The following SUPT3H variants were observed in gnomAD, a reference collection of about 807,000 sequenced individuals.
The protein encoded by SUPT3H is SPT3 homolog, SAGA and STAGA complex component, also known as transcription initiation protein SPT3 homolog.
SUPT3H carries 44 observed loss-of-function variants against 44.3 expected under a neutral mutation model. The ratio of observed to expected loss-of-function variants is 0.99; its 90% CI spans 0.78 to 1.28. The LOEUF (loss-of-function observed/expected upper bound fraction) is 1.28, where lower values mean the gene tolerates loss of function less well. SUPT3H is among the 50% of genes most tolerant of loss of function. SUPT3H has a pLI of 0.00. For missense variants in SUPT3H, 380 were observed against 387.1 expected, an observed-to-expected ratio of 0.98 and a Z score of 0.15; for synonymous variants, 124 against 125.6, an observed-to-expected ratio of 0.99 and a Z score of 0.09.
chr6:45,222,693 G>A (rs112003112), intron 2 of SUPT3H, among the ~76,000 whole-genome samples: 3,088 of 152,130 alleles, frequency 0.02, 42 homozygotes, highest in Non-Finnish European at 0.032. Flanking sequence ...ATGCTCTTGG[G>A]CATTTATTCC....
intron 2 of SUPT3H, among the ~76,000 whole-genome samples, chr6:45,267,766 C>T (rs530442882): frequency 6.6e-6 from 1 of 152,204 alleles, no homozygotes; most frequent in South Asian, 2.1e-4. Flanking sequence ...CTTACAAGGA[C>T]TTAAGAGGCC....
intron 3 of SUPT3H, among the ~76,000 whole-genome samples, chr6:45,047,683 T>C (rs998690216): frequency 2.0e-5 from 3 of 152,182 alleles, no homozygotes; most frequent in Admixed American, 6.5e-5. Context: ...ATTTTCCATA[T>C]GGCTGTACTA....
intron 2 of SUPT3H, among the ~76,000 whole-genome samples, chr6:45,327,556 G>A (rs573949478): frequency 4.6e-5 from 7 of 151,732 alleles, no homozygotes; most frequent in Non-Finnish European, 8.8e-5. Flanking sequence ...ATGAGATAAT[G>A]GTATACATGA....
Position 44,828,318 on chromosome 6 carries a change from T to C in SUPT3H, c.*1498A>G, listed in dbSNP as rs1768005138. ...AAGCATAGATGGAACATCAAAATCC[T>C]TTGGGAATATTTTGATATTATATAT... is the stretch of plus-strand genomic sequence containing the variant. On this transcript the variant is annotated 3_prime_UTR_variant, in exon 11 of 11. Coordinates refer to ENST00000371459, the MANE Select transcript of SUPT3H (RefSeq NM_003599.4). Among the ~76,000 whole-genome samples the C allele has an allele frequency of 6.6e-6, 1 of 152,168 alleles. No homozygotes were observed. The highest frequency in any genetic ancestry group is 1.5e-5 in the Non-Finnish European group (1 of 68,016).
chr6:45,130,800 C>G (rs1313841848), intron 2 of SUPT3H, among the ~76,000 whole-genome samples: 1 of 149,672 alleles, frequency 6.7e-6, no homozygotes, highest in East Asian at 2.0e-4. Flanking sequence ...TCACCGCAAC[C>G]TCCGCCTTCC....
At chr6:45,114,805 T>C (rs1800602520) in intron 2 of SUPT3H, among the ~76,000 whole-genome samples, 1 of 152,172 alleles carries the variant, frequency 6.6e-6, no homozygotes, top group East Asian at 1.9e-4. Context: ...CATTGAATGT[T>C]AGGTCAAAAA....
At chr6:44,882,490 A>C (rs1033252907) in intron 10 of SUPT3H, among the ~76,000 whole-genome samples, 2 of 152,226 alleles carry the variant, frequency 1.3e-5, no homozygotes, top group African/African-American at 4.8e-5. Flanking sequence ...TTCTGAAACT[A>C]TTCCAAACAA....
chr6:45,156,981 T>C (rs73738621), intron 2 of SUPT3H, among the ~76,000 whole-genome samples: 3,189 of 152,200 alleles, frequency 0.021, 117 homozygotes, highest in African/African-American at 0.072. Flanking sequence ...CTACCACCTA[T>C]ACTTGATCTG....
intron 10 of SUPT3H, among the ~76,000 whole-genome samples, chr6:44,918,543 A>C (rs1181020681): frequency 2.0e-5 from 3 of 152,210 alleles, no homozygotes; most frequent in Non-Finnish European, 4.4e-5. Flanking sequence ...TAAAAATATA[A>C]ATTCATCTGA....
At chr6:45,320,549 G>T (rs1186504325) in intron 2 of SUPT3H, among the ~76,000 whole-genome samples, 2 of 151,958 alleles carry the variant, frequency 1.3e-5, no homozygotes, top group Non-Finnish European at 2.9e-5. Context: ...AAAATGCTGG[G>T]ATTATAGGTG....
chr6:45,283,164 A>G (rs1055782673), intron 2 of SUPT3H, among the ~76,000 whole-genome samples: 11 of 152,156 alleles, frequency 7.2e-5, no homozygotes, highest in Non-Finnish European at 1.3e-4. Flanking sequence ...AGGCTAGGAA[A>G]AAACTGCATC....
chr6:45,298,409 T>A (rs550026396), intron 2 of SUPT3H, among the ~76,000 whole-genome samples: 5 of 152,162 alleles, frequency 3.3e-5, no homozygotes, highest in African/African-American at 1.2e-4. Context: ...TTCCTAGATA[T>A]CTGTTCTTTG....
intron 2 of SUPT3H, among the ~76,000 whole-genome samples, chr6:45,355,524 C>G (rs1162394334): frequency 6.6e-6 from 1 of 152,080 alleles, no homozygotes; most frequent in East Asian, 1.9e-4. Context: ...GAACCAAGAT[C>G]TTGCAGCTCC....
At chr6:44,855,482 C>T (rs1773575949) in intron 10 of SUPT3H, among the ~76,000 whole-genome samples, 2 of 152,108 alleles carry the variant, frequency 1.3e-5, no homozygotes, top group African/African-American at 2.4e-5. Context: ...AGAATGGTTT[C>T]TTCATATCTT....
At chr6:45,325,500 G>T (rs1786206676) in intron 2 of SUPT3H, among the ~76,000 whole-genome samples, 1 of 151,754 alleles carries the variant, frequency 6.6e-6, no homozygotes, top group African/African-American at 2.4e-5. Context: ...CTTTGAAATT[G>T]ATTTCAAGAT....
intron 10 of SUPT3H, among the ~76,000 whole-genome samples, chr6:44,849,220 C>CTTTTT (rs143665414): frequency 8.3e-5 from 8 of 96,626 alleles, no homozygotes; most frequent in African/African-American, 2.5e-4. Flanking sequence ...CAAATGAATA[C>CTTTTT]TTTTTTTTTT....
intron 2 of SUPT3H, among the ~76,000 whole-genome samples, chr6:45,114,086 TA>T (rs1300009288): frequency 2.0e-5 from 3 of 151,928 alleles, no homozygotes; most frequent in African/African-American, 7.2e-5. Flanking sequence ...AATGCTGACG[TA>T]AAAAAATACA....
chr6:45,267,592 T>G (rs1775459286), intron 2 of SUPT3H, among the ~76,000 whole-genome samples: 1 of 152,222 alleles, frequency 6.6e-6, no homozygotes, highest in Non-Finnish European at 1.5e-5. Context: ...CTTCAGTGCC[T>G]AATACCTATC....
At chr6:44,970,892 T>C (rs1266047713) in intron 6 of SUPT3H, among the ~76,000 whole-genome samples, 1 of 152,200 alleles carries the variant, frequency 6.6e-6, no homozygotes, top group African/African-American at 2.4e-5. Flanking sequence ...TTAGGCAAGA[T>C]CAAATTCTCA....
Sources: gnomAD v4.1 joint callset for allele counts (sites outside exome capture counted in the v4.1 genomes callset) on GRCh38, gnomAD v4.1.1 for gene constraint, MANE v1.5 for transcripts, NCBI Gene and HGNC (gene_info 2026-07-23, HGNC 2026-07-21) for gene names.